The following EEFSEC variants were observed in gnomAD, a reference collection of about 807,000 sequenced individuals.
The protein encoded by EEFSEC is eukaryotic elongation factor, selenocysteine-tRNA specific.
A neutral mutation model predicts 42.1 loss-of-function variants in EEFSEC; 43 were observed. The ratio of observed to expected loss-of-function variants is 1.02; its 90% confidence interval spans 0.80 to 1.32. The LOEUF is 1.32. EEFSEC is among the 40% of genes most tolerant of loss of function. The pLI, the probability that EEFSEC is intolerant of heterozygous loss-of-function variation, is 0.00. For missense variants in EEFSEC, 745 were observed against 803.6 expected (o/e 0.93, Z 0.88); for synonymous variants, 354 against 339.1 (o/e 1.04, Z -0.48).
intron 1 of EEFSEC, among the ~76,000 whole-genome samples, chr3:128,211,305 G>A (rs937764341): frequency 2.0e-5 from 3 of 152,024 alleles, no homozygotes; most frequent in Non-Finnish European, 4.4e-5. Flanking sequence ...CCAGGCTGGA[G>A]TGTAGTGGCA....
intron 4 of EEFSEC, among the ~76,000 whole-genome samples, chr3:128,314,854 A>G (rs1182079925): frequency 6.6e-6 from 1 of 152,136 alleles, no homozygotes; most frequent in Non-Finnish European, 1.5e-5. Context: ...CTCCAGTGGG[A>G]TTTGGAAGAG....
Position 128,262,153 on chromosome 3 carries a change from G to T in EEFSEC, c.550G>T (p.Val184Leu), listed in dbSNP as rs373534963. The T allele has an allele frequency of 1.7e-4, 270 of 1,614,002 alleles. No individual in the cohort carries two copies. The highest frequency in any genetic ancestry group is 2.2e-4 in the Non-Finnish European group (264 of 1,180,014). ...GTTCCGAGGTGCACCGATTATACCCGTGGCGGCCAAGCCGGGGGGACCAGA... is the reference window on the plus strand; with the variant it reads ...GTTCCGAGGTGCACCGATTATACCCTTGGCGGCCAAGCCGGGGGGACCAGA... ...TKFRGAPIIP[V>L]AAKPGGPEAP... is the part of the protein sequence containing the mutation. The change falls in exon 3 of 7, where the codon GTG (valine) becomes TTG (leucine). Residue 184 changes from valine (V) to leucine (L), a missense_variant. Val to Leu is a conservative substitution (Grantham distance 32). Transcript: ENST00000254730.
intron 4 of EEFSEC, among the ~76,000 whole-genome samples, chr3:128,266,696 C>T (rs2066357870): frequency 1.3e-5 from 2 of 151,130 alleles, no homozygotes; most frequent in African/African-American, 4.9e-5. Context: ...TAGGATGTCC[C>T]CCAGACACTG....
chr3:128,277,118 C>T (rs573498641), intron 4 of EEFSEC, among the ~76,000 whole-genome samples: 11 of 152,338 alleles, frequency 7.2e-5, no homozygotes, highest in African/African-American at 2.6e-4. Flanking sequence ...TGTGTCGGGC[C>T]CCTCACTGCC....
At chr3:128,211,036 T>G (rs768828615) in intron 1 of EEFSEC, among the ~76,000 whole-genome samples, 5 of 152,248 alleles carry the variant, frequency 3.3e-5, no homozygotes, top group Non-Finnish European at 7.3e-5. Flanking sequence ...ACTGGCTGTT[T>G]AAGCCTGGAC....
At chr3:128,341,931 G>T (rs920745618) in intron 5 of EEFSEC, 42 bp downstream of exon 5, 1 of 1,580,178 alleles carries the variant, frequency 6.3e-7, no homozygotes, top group Non-Finnish European at 8.6e-7. Context: ...TTCCCTTCTT[G>T]CTCGGGCAGC....
intron 4 of EEFSEC, among the ~76,000 whole-genome samples, chr3:128,318,803 T>C (rs1193825927): frequency 6.6e-6 from 1 of 152,240 alleles, no homozygotes; most frequent in East Asian, 1.9e-4. Context: ...ATGGCAGATG[T>C]GTAGACGAGC....
intron 4 of EEFSEC, among the ~76,000 whole-genome samples, chr3:128,313,706 C>T (rs541047052): frequency 3.2e-4 from 48 of 152,220 alleles, no homozygotes; most frequent in Non-Finnish European, 3.8e-4. Context: ...GAACTGTTCC[C>T]GGGCTCTCAT....
chr3:128,280,481 T>G (rs1360931346), intron 4 of EEFSEC, among the ~76,000 whole-genome samples: 4 of 152,208 alleles, frequency 2.6e-5, no homozygotes, highest in Non-Finnish European at 5.9e-5. Flanking sequence ...GAGGCCTCTG[T>G]GTAGGGAGCC....
chr3:128,378,412 T>C (rs1210650031), intron 6 of EEFSEC, among the ~76,000 whole-genome samples: 1 of 151,988 alleles, frequency 6.6e-6, no homozygotes, highest in East Asian at 1.9e-4. Context: ...CTTTGATCAA[T>C]CCAAGGACAG....
intron 1 of EEFSEC, among the ~76,000 whole-genome samples, chr3:128,202,037 T>C (rs1333987534): frequency 6.6e-6 from 1 of 151,856 alleles, no homozygotes; most frequent in Non-Finnish European, 1.5e-5. Flanking sequence ...TCTATTGTAC[T>C]TTGATTTGTT....
chr3:128,347,426 G>GCA (rs1559932846), intron 5 of EEFSEC, among the ~76,000 whole-genome samples: 3 of 152,152 alleles, frequency 2.0e-5, no homozygotes, highest in Non-Finnish European at 4.4e-5. Context: ...GAAATAGTTG[G>GCA]TATCCTGTTT....
intron 1 of EEFSEC, among the ~76,000 whole-genome samples, chr3:128,163,604 G>C (rs569207730): frequency 6.6e-6 from 1 of 151,780 alleles, no homozygotes; most frequent in South Asian, 2.1e-4. Context: ...GGTTTTCACT[G>C]TACTCATACA....
chr3:128,209,248 TAA>T (rs1412869752), intron 1 of EEFSEC, among the ~76,000 whole-genome samples: 1 of 152,246 alleles, frequency 6.6e-6, no homozygotes, highest in African/African-American at 2.4e-5. Context: ...TCGTGAATCT[TAA>T]AGAGTGAGGT....
intron 1 of EEFSEC, among the ~76,000 whole-genome samples, chr3:128,228,940 G>C (rs2107861834): frequency 6.6e-6 from 1 of 152,308 alleles, no homozygotes; most frequent in East Asian, 1.9e-4. Context: ...TTCTGTCCCA[G>C]AGGAAATTCC....
intron 5 of EEFSEC, among the ~76,000 whole-genome samples, chr3:128,354,165 G>A (rs1351086272): frequency 2.0e-5 from 3 of 152,156 alleles, no homozygotes; most frequent in Non-Finnish European, 4.4e-5. Context: ...GTTCCTGAAC[G>A]TGTGCAGACG....
intron 1 of EEFSEC, among the ~76,000 whole-genome samples, chr3:128,179,131 A>G (rs1163921661): frequency 1.3e-5 from 2 of 152,168 alleles, no homozygotes; most frequent in African/African-American, 4.8e-5. Context: ...TTAGCCGTTG[A>G]TACTCTTTTA....
intron 4 of EEFSEC, among the ~76,000 whole-genome samples, chr3:128,289,016 G>C (rs1343472541): frequency 6.6e-6 from 1 of 152,188 alleles, no homozygotes; most frequent in African/African-American, 2.4e-5. Flanking sequence ...CGCTATCTCT[G>C]ATCAGAGTCT....
At chr3:128,304,849 G>A (rs893647181) in intron 4 of EEFSEC, among the ~76,000 whole-genome samples, 5 of 152,012 alleles carry the variant, frequency 3.3e-5, no homozygotes, top group Non-Finnish European at 7.4e-5. Context: ...GGCCACAGGC[G>A]TGTACCACCA....
Sources: allele counts gnomAD v4.1 joint callset (sites outside exome capture counted in the v4.1 genomes callset), GRCh38; gene constraint gnomAD v4.1.1; transcripts MANE v1.5; gene names NCBI Gene and HGNC (gene_info 2026-07-23, HGNC 2026-07-21).